Variants in ARSB observed in about 807,000 individuals in gnomAD.
ARSB encodes N-acetylgalactosamine-4-sulfatase.
Under a neutral mutation model 50.9 loss-of-function variants are expected in ARSB, and 41 were observed. That is an observed-to-expected ratio of 0.81 (90% CI 0.63 to 1.04). The LOEUF (loss-of-function observed/expected upper bound fraction) is 1.04. Among genes scored for constraint, ARSB ranks in the 50% least tolerant of loss-of-function variants. ARSB has a pLI of 0.00. For missense variants in ARSB, 672 were observed against 693.3 expected (o/e 0.97, Z 0.35); for synonymous variants, 269 against 284.8 (o/e 0.94, Z 0.56).
At chr5:78,975,408 G>A (rs1304211626) in intron 1 of ARSB, among the ~76,000 whole-genome samples, 4 of 152,198 alleles carry the variant, frequency 2.6e-5, no homozygotes, top group African/African-American at 4.8e-5. Context: ...CCAAGGTTCC[G>A]CCTCAGGGGT....
At chr5:78,892,717 G>T (rs1361637114) in intron 4 of ARSB, among the ~76,000 whole-genome samples, 1 of 152,160 alleles carries the variant, frequency 6.6e-6, no homozygotes, top group African/African-American at 2.4e-5. Context: ...TATAACAATA[G>T]CCTGGGATTC....
At chr5:78,939,526 T>C (rs1750797539) in intron 4 of ARSB, among the ~76,000 whole-genome samples, 1 of 151,922 alleles carries the variant, frequency 6.6e-6, no homozygotes, top group Non-Finnish European at 1.5e-5. Flanking sequence ...AGTGAGAACA[T>C]GTGGTGTTTG....
chr5:78,833,839 G>A (rs758377632), intron 6 of ARSB, among the ~76,000 whole-genome samples: 16 of 152,216 alleles, frequency 1.1e-4, no homozygotes, highest in South Asian at 4.1e-4. Context: ...TTTCAATGCA[G>A]GGAGCGATGA....
chr5:78,932,313 TA>T (rs1276220602), intron 4 of ARSB, among the ~76,000 whole-genome samples: 1 of 152,226 alleles, frequency 6.6e-6, no homozygotes, highest in Admixed American at 6.5e-5. Flanking sequence ...AAGGCAACGC[TA>T]ACCTTTCTGC....
At chr5:78,908,969 T>G (rs1749187188) in intron 4 of ARSB, among the ~76,000 whole-genome samples, 1 of 152,150 alleles carries the variant, frequency 6.6e-6, no homozygotes, top group African/African-American at 2.4e-5. Context: ...TTGAAAGGAC[T>G]TGCAAATGCT....
chr5:78,795,617 T>C (rs1743148847), intron 6 of ARSB, among the ~76,000 whole-genome samples: 1 of 152,182 alleles, frequency 6.6e-6, no homozygotes, highest in Non-Finnish European at 1.5e-5. Context: ...CACTACTTAC[T>C]TAGAATCCTG....
chr5:78,817,342 G>C (rs927003637), intron 6 of ARSB, among the ~76,000 whole-genome samples: 11 of 152,272 alleles, frequency 7.2e-5, no homozygotes, highest in Admixed American at 6.5e-4. Flanking sequence ...CTCTATCCTT[G>C]AGCTATATCC....
intron 4 of ARSB, among the ~76,000 whole-genome samples, chr5:78,928,611 C>T (rs551302921): frequency 1.6e-4 from 24 of 152,160 alleles, no homozygotes; most frequent in African/African-American, 5.5e-4. Context: ...CCGCCATGCC[C>T]GGCTGCTTTT....
At chr5:78,983,940 G>A (rs1753028952) in intron 1 of ARSB, among the ~76,000 whole-genome samples, 1 of 152,208 alleles carries the variant, frequency 6.6e-6, no homozygotes, top group Admixed American at 6.5e-5. Context: ...GTGAAGGCAT[G>A]CAGGTGGTAT....
At chr5:78,867,287 C>A (rs1354351495) in intron 5 of ARSB, among the ~76,000 whole-genome samples, 2 of 151,972 alleles carry the variant, frequency 1.3e-5, no homozygotes, top group African/African-American at 4.8e-5. Context: ...ACAAAGCAGC[C>A]GGGAAGCTCG....
chr5:78,850,735 G>C (rs1255710067), intron 5 of ARSB, among the ~76,000 whole-genome samples: 1 of 152,212 alleles, frequency 6.6e-6, no homozygotes, highest in Non-Finnish European at 1.5e-5. Flanking sequence ...CACAATTTCA[G>C]AGCCTGTTAT....
chr5:78,895,555 G>A (rs1748526936), intron 4 of ARSB, among the ~76,000 whole-genome samples: 1 of 152,146 alleles, frequency 6.6e-6, no homozygotes, highest in South Asian at 2.1e-4. Flanking sequence ...CCTTGCAAAG[G>A]TCACAACGAT....
chr5:78,834,576 T>C (rs192277333), intron 6 of ARSB, among the ~76,000 whole-genome samples: 110 of 143,184 alleles, frequency 7.7e-4, no homozygotes, highest in African/African-American at 2.5e-3. Flanking sequence ...TCACTGTTAG[T>C]GCTGGATACT....
At chr5:78,804,401 C>T (rs2112649844) in intron 6 of ARSB, among the ~76,000 whole-genome samples, 1 of 152,212 alleles carries the variant, frequency 6.6e-6, no homozygotes, top group Non-Finnish European at 1.5e-5. Flanking sequence ...ACATAAGCCT[C>T]TCTTAAGGAA....
intron 6 of ARSB, among the ~76,000 whole-genome samples, chr5:78,800,773 A>T (rs2112644963): frequency 6.6e-6 from 1 of 152,320 alleles, no homozygotes. Context: ...TTAAGCATTA[A>T]TTACTTTGAA....
At chr5:78,931,307 T>C (rs1750316073) in intron 4 of ARSB, among the ~76,000 whole-genome samples, 1 of 152,220 alleles carries the variant, frequency 6.6e-6, no homozygotes, top group East Asian at 1.9e-4. Context: ...CTAGAAGAGA[T>C]GAGTATAAAC....
At chr5:78,822,488 T>C (rs1360715386) in intron 6 of ARSB, among the ~76,000 whole-genome samples, 1 of 152,202 alleles carries the variant, frequency 6.6e-6, no homozygotes, top group Non-Finnish European at 1.5e-5. Flanking sequence ...TTGCCTTTTT[T>C]CTTTGTTCTT....
At chr5:78,912,322 G>T (rs1749346477) in intron 4 of ARSB, among the ~76,000 whole-genome samples, 1 of 152,204 alleles carries the variant, frequency 6.6e-6, no homozygotes, top group African/African-American at 2.4e-5. Flanking sequence ...CTCCATCAAC[G>T]ATATCAACAT....
chr5:78,820,038 A>G (rs1485098053), intron 6 of ARSB, among the ~76,000 whole-genome samples: 1 of 152,188 alleles, frequency 6.6e-6, no homozygotes, highest in African/African-American at 2.4e-5. Flanking sequence ...TAGTGCCTTT[A>G]TCCAAGAACC....
Sources: allele counts gnomAD v4.1 joint callset (sites outside exome capture counted in the v4.1 genomes callset), GRCh38; gene constraint gnomAD v4.1.1; transcripts MANE v1.5; gene names NCBI Gene and HGNC (gene_info 2026-07-23, HGNC 2026-07-21).